The following CD99 variants were observed in gnomAD, a reference collection of about 807,000 sequenced individuals.
The protein encoded by CD99 is CD99 molecule (Xg blood group).
A neutral mutation model predicts 28.4 loss-of-function variants in CD99; 19 were observed. The ratio of observed to expected loss-of-function variants is 0.67; its 90% CI spans 0.47 to 0.98. The LOEUF (loss-of-function observed/expected upper bound fraction) is 0.98, where lower values mean the gene tolerates loss of function less well. Among genes scored for constraint, CD99 ranks in the 50% least tolerant of loss-of-function variants. CD99 has a pLI of 0.00. For synonymous variants in CD99, 103 were observed against 92.1 expected, an observed-to-expected ratio of 1.12 and a Z score of -0.67; for missense variants, 283 against 248.8, an observed-to-expected ratio of 1.14 and a Z score of -0.92.
chrX:2,733,709 G>C (rs1317225238), intron 8 of CD99: 6 of 393,988 alleles, frequency 1.5e-5, no homozygotes, highest in Non-Finnish European at 2.7e-5. Flanking sequence ...TTGTCCCTAA[G>C]TCCATCCCTG....
chrX:2,726,514 T>A, intron 8 of CD99, 141 bp downstream of exon 8: 1 of 708,416 alleles, frequency 1.4e-6, no homozygotes, highest in Non-Finnish European at 2.6e-6. Flanking sequence ...GCTAAAATTC[T>A]GGAATCGAAC....
chrX:2,726,236 G>A (rs748542926), intron 7 of CD99, 24 bp from the exon 8 acceptor site: 8 of 1,459,144 alleles, frequency 5.5e-6, no homozygotes, highest in South Asian at 2.3e-5. Flanking sequence ...TCTCAATCAC[G>A]ATGCTGTGTG....
At chrX:2,700,574 ATCCATCCATCCG>A (rs1365598123) in intron 1 of CD99, among the ~76,000 whole-genome samples, 1 of 151,062 alleles carries the variant, frequency 6.6e-6, no homozygotes, top group African/African-American at 2.4e-5. Context: ...CCATCCATCC[ATCCATCCATCCG>A]TCGTCCCATT....
chrX:2,728,315 C>T (rs1277832322), intron 8 of CD99, among the ~76,000 whole-genome samples: 2 of 151,400 alleles, frequency 1.3e-5, no homozygotes. Flanking sequence ...CCTGCCTCAG[C>T]CTCCCGAGTA....
At chrX:2,738,132 G>A (rs1398064407) in intron 8 of CD99, 68 bp from the exon 9 acceptor site, 1 of 1,413,678 alleles carries the variant, frequency 7.1e-7, no homozygotes, top group African/African-American at 1.4e-5. Flanking sequence ...CAAGTGTTTT[G>A]TGTGTATTTT....
chrX:2,729,463 G>A (rs959022427), intron 8 of CD99, among the ~76,000 whole-genome samples: 46 of 152,088 alleles, frequency 3.0e-4, no homozygotes, highest in African/African-American at 1.0e-3. Flanking sequence ...AGAAGGGGAC[G>A]CAAGGCACCA....
At position 2,717,329 on chromosome X, in the gene CD99, C is replaced by T. The variant is rs1266120115; in HGVS notation, c.101-276C>T. 1.0e-5 allele frequency: 4 copies of T among 393,204 alleles called. No homozygotes were observed. The East Asian group carries it at 1.7e-4, about 16-fold the overall frequency. 24.4% of individuals were successfully genotyped at this position (393,204 alleles called of 1,614,324 possible). On this transcript the variant is annotated intron_variant, in intron 2 of 9. Transcript: ENST00000381192. ...CACCATTGCACTCCAGCTTGGGTAA[C>T]AGAGCAAGACTTGGTCTCAAAAAAA...
At chrX:2,712,676 C>T (rs953910468) in intron 1 of CD99, among the ~76,000 whole-genome samples, 13 of 152,264 alleles carry the variant, frequency 8.5e-5, no homozygotes, top group African/African-American at 2.9e-4. Context: ...GAAACGACTC[C>T]ACTCTGGTTG....
intron 1 of CD99, among the ~76,000 whole-genome samples, chrX:2,698,900 T>C (rs1313679085): frequency 6.6e-6 from 1 of 151,838 alleles, no homozygotes; most frequent in Non-Finnish European, 1.5e-5. Context: ...ACCTGGGTAG[T>C]CTGGTTTATA....
chrX:2,691,564 C>T (rs1205309877), intron 1 of CD99, 137 bp downstream of exon 1: 1 of 937,042 alleles, frequency 1.1e-6, no homozygotes, highest in South Asian at 1.4e-5. Flanking sequence ...ACGCGCTGTG[C>T]CCACGGGGGC....
intron 1 of CD99, among the ~76,000 whole-genome samples, chrX:2,707,551 A>G (rs759973296): frequency 6.6e-6 from 1 of 152,238 alleles, no homozygotes; most frequent in African/African-American, 2.4e-5. Context: ...GGTTTGAATC[A>G]GTAGAAAGTG....
intron 1 of CD99, among the ~76,000 whole-genome samples, chrX:2,706,966 G>A (rs1158403342): frequency 4.6e-5 from 7 of 151,890 alleles, no homozygotes; most frequent in African/African-American, 1.2e-4. Flanking sequence ...GACTACGGGC[G>A]TGCACCACCA....
chrX:2,717,904 G>T (rs1603279237), intron 3 of CD99: 1 of 527,692 alleles, frequency 1.9e-6, no homozygotes, highest in Non-Finnish European at 3.4e-6. Flanking sequence ...TTATTCTAAG[G>T]GTCTGAGTTA....
intron 1 of CD99, among the ~76,000 whole-genome samples, chrX:2,699,659 G>A (rs2047753860): frequency 6.6e-6 from 1 of 152,052 alleles, no homozygotes; most frequent in Admixed American, 6.6e-5. Flanking sequence ...GTCTCCCTAT[G>A]TTGCCCAGTT....
At position 2,741,096 on chromosome X, in the gene CD99, C is replaced by G; in HGVS notation, c.*292C>G. ...TGGCCATTATTAAGTCCCTGTAACT[C>G]AAATGTCAACCCCACCGAGGCACCC... On this transcript the variant is annotated 3_prime_UTR_variant, in exon 10 of 10. Transcript: ENST00000381192. 1 of 454,630 alleles carries G rather than the reference C, an allele frequency of 2.2e-6. No homozygotes were observed. The highest frequency in any genetic ancestry group is 3.9e-6 in the Non-Finnish European group (1 of 255,458). 28.2% of individuals were successfully genotyped at this position (454,630 alleles called of 1,614,324 possible).
At chrX:2,705,353 G>T (rs2048066092) in intron 1 of CD99, among the ~76,000 whole-genome samples, 1 of 152,186 alleles carries the variant, frequency 6.6e-6, no homozygotes, top group Admixed American at 6.5e-5. Context: ...CTGAGACTAT[G>T]ACACTCTGGT....
chrX:2,728,019 A>G (rs2049382527), intron 8 of CD99, among the ~76,000 whole-genome samples: 1 of 152,108 alleles, frequency 6.6e-6, no homozygotes. Context: ...AGCATTTGAC[A>G]TCCACAAACA....
intron 1 of CD99, among the ~76,000 whole-genome samples, chrX:2,705,708 T>C (rs1282082516): frequency 6.6e-6 from 1 of 152,216 alleles, no homozygotes. Context: ...TTATTTGTCC[T>C]GTCTCATGGA....
chrX:2,692,000 G>T (rs747182959), intron 1 of CD99: 11 of 738,288 alleles, frequency 1.5e-5, no homozygotes, highest in Non-Finnish European at 2.5e-5. Flanking sequence ...ATTTCAGCGC[G>T]TGCTGTGCGC....
Sources: allele counts gnomAD v4.1 joint callset (sites outside exome capture counted in the v4.1 genomes callset), GRCh38; gene constraint gnomAD v4.1.1; transcripts MANE v1.5; gene names NCBI Gene and HGNC (gene_info 2026-07-23, HGNC 2026-07-21).